Variants in TRMT10B observed in about 807,000 individuals in gnomAD.
TRMT10B encodes the protein tRNA methyltransferase 10B, also known as tRNA methyltransferase 10 homolog B.
TRMT10B carries 33 observed loss-of-function variants against 43.8 expected under a neutral mutation model. The observed-to-expected ratio is 0.75, with a 90% CI of 0.57 to 1.01. The LOEUF is 1.01. TRMT10B is among the 50% of genes least tolerant of loss of function. The probability of loss-of-function intolerance (pLI) is 0.00; values close to 1 mark genes in which losing one functional copy is unlikely to be tolerated. For missense variants in TRMT10B, 362 were observed against 369.8 expected (o/e 0.98, Z 0.17); for synonymous variants, 137 against 130.6 (o/e 1.05, Z -0.34).
chr9:37,774,352 A>G (rs1449247880), intron 7 of TRMT10B, among the ~76,000 whole-genome samples: 1 of 152,232 alleles, frequency 6.6e-6, no homozygotes, highest in Admixed American at 6.5e-5. Flanking sequence ...TGAGCAGTGC[A>G]TGACTTACAG....
rs573624870 is a variant in TRMT10B, at chr9:37,777,936, C to T, written c.*229C>T. ...AGGAGAATCACTTGAACTCGGGAGGCGAAGGTTGCAGTGAGCCGAGATTTC... is the reference window on the plus strand; with the variant it reads ...AGGAGAATCACTTGAACTCGGGAGGTGAAGGTTGCAGTGAGCCGAGATTTC... On this transcript the variant is annotated 3_prime_UTR_variant, in exon 9 of 9. Coordinates refer to ENST00000297994, the MANE Select transcript of TRMT10B (RefSeq NM_144964.4). 4.3e-5 allele frequency: 16 copies of T among 372,014 alleles called. No homozygotes were observed. The highest frequency in any genetic ancestry group is 1.2e-4 in the East Asian group (2 of 16,580). 23.0% of individuals were successfully genotyped at this position (372,014 alleles called of 1,614,324 possible). A position where few individuals can be genotyped will look rare whatever the true frequency, so the allele number is the denominator to read the frequency against.
At chr9:37,770,585 A>G in intron 6 of TRMT10B, 87 bp from the exon 7 acceptor site, 1 of 1,214,244 alleles carries the variant, frequency 8.2e-7, no homozygotes, top group Non-Finnish European at 1.2e-6. Flanking sequence ...TTCTACTTTT[A>G]TTGTTAATAA....
At chr9:37,774,515 TTTA>T (rs1367098244) in intron 7 of TRMT10B, among the ~76,000 whole-genome samples, 1 of 152,212 alleles carries the variant, frequency 6.6e-6, no homozygotes, top group East Asian at 1.9e-4. Flanking sequence ...GGAGAGTCAT[TTTA>T]TTATGAATCA....
chr9:37,754,870 T>G (rs1825444897), intron 1 of TRMT10B, among the ~76,000 whole-genome samples: 1 of 152,224 alleles, frequency 6.6e-6, no homozygotes, highest in African/African-American at 2.4e-5. Flanking sequence ...CAATTAAGTT[T>G]CAACCTGAAT....
At chr9:37,763,515 C>A in intron 3 of TRMT10B, 114 bp from the exon 4 acceptor site, 1 of 821,830 alleles carries the variant, frequency 1.2e-6, no homozygotes, top group Non-Finnish European at 1.9e-6. Context: ...GAATACCTTA[C>A]ATCAGTATCA....
In TRMT10B at chr9:37,777,472, C is replaced by T. The variant is rs78437519; in HGVS notation, c.845-129C>T. Reference sequence around the variant, plus strand: ...CAGAGCCTGTGTCCTTGCCTCTCCCCGCAAGACCTTAGTACCACATATGGT... The same window carrying T: ...CAGAGCCTGTGTCCTTGCCTCTCCCTGCAAGACCTTAGTACCACATATGGT... On this transcript the variant is annotated intron_variant, in intron 8 of 8. Coordinates refer to ENST00000297994, the MANE Select transcript of TRMT10B (RefSeq NM_144964.4). 1,609 of 715,484 alleles carry T rather than the reference C, an allele frequency of 2.2e-3. 18 individuals are homozygous for T. In the African/African-American group the frequency reaches 0.026, roughly 12 times the overall value. The allele number at this position is 715,484 out of a possible 1,614,324, so 44.3% of individuals were successfully genotyped here.
In TRMT10B at chr9:37,773,844, A is replaced by C. The variant is rs144032482; in HGVS notation, c.721-2438A>C. On this transcript the variant is annotated intron_variant, in intron 7 of 8. Transcript: ENST00000297994. ...CGAGACTCTGTTTCATACACACACA[A>C]AGTCTGGAGGGCTGGAGGACTACTT... Among the ~76,000 whole-genome samples, 111 of 151,840 alleles carry C rather than the reference A, an allele frequency of 7.3e-4. 1 individual carries two copies. The highest frequency in any genetic ancestry group is 3.5e-3 in the Admixed American group (53 of 15,240).
At chr9:37,773,727 G>A (rs775279432) in intron 7 of TRMT10B, among the ~76,000 whole-genome samples, 25 of 151,932 alleles carry the variant, frequency 1.6e-4, no homozygotes, top group Non-Finnish European at 2.9e-4. Context: ...CCAGCTACTC[G>A]GGAGGCTGAG....
chr9:37,764,037 C>A (rs534324525), intron 4 of TRMT10B, among the ~76,000 whole-genome samples: 1 of 152,198 alleles, frequency 6.6e-6, no homozygotes, highest in East Asian at 1.9e-4. Flanking sequence ...CTGGATGGAA[C>A]CTTTCAGGTT....
chr9:37,762,093 C>T lies in TRMT10B; in HGVS notation c.162C>T (p.Ala54=), dbSNP rs763532722. Residue 54 remains alanine, a synonymous_variant, in exon 2 of 9, where the codon GCC becomes GCT. Coordinates refer to ENST00000297994, the MANE Select transcript of TRMT10B (RefSeq NM_144964.4). ...AGTGCCAGGAGGGAGAGATCCTGGCCACAGGCAGTACGGCATGGTGCTCGG... is the reference window on the plus strand; with the variant it reads ...AGTGCCAGGAGGGAGAGATCCTGGCTACAGGCAGTACGGCATGGTGCTCGG... The part of the protein sequence containing the change: ...EGECQEGEIL[A]TGSTAWCSKN... 2 of 1,613,784 alleles carry T rather than the reference C, an allele frequency of 1.2e-6. No individual in the cohort carries two copies. Among genetic ancestry groups the T allele is most frequent in the African/African-American group, 2.7e-5 (2 of 74,910 alleles).
chr9:37,764,622 C>T (rs905967982), intron 4 of TRMT10B, among the ~76,000 whole-genome samples: 18 of 151,982 alleles, frequency 1.2e-4, no homozygotes, highest in South Asian at 4.2e-4. Flanking sequence ...CGGGATTTTG[C>T]GATGTTGGCC....
intron 1 of TRMT10B, among the ~76,000 whole-genome samples, chr9:37,754,906 C>T (rs1424396433): frequency 6.6e-6 from 1 of 152,132 alleles, no homozygotes; most frequent in Non-Finnish European, 1.5e-5. Flanking sequence ...ACATTCAAAC[C>T]AGAGCAGCAC....
intron 5 of TRMT10B, chr9:37,769,565 C>T (rs147974753): frequency 3.9e-4 from 81 of 209,432 alleles, no homozygotes; most frequent in African/African-American, 1.7e-3. Context: ...AACCTAGAGC[C>T]ATGCCTGATA....
At chr9:37,760,708 A>AG (rs1826233196) in intron 1 of TRMT10B, among the ~76,000 whole-genome samples, 1 of 152,178 alleles carries the variant, frequency 6.6e-6, no homozygotes, top group South Asian at 2.1e-4. Flanking sequence ...AAGGGATAGG[A>AG]GTGTGGATTG....
At chr9:37,776,449 G>C in intron 8 of TRMT10B, 44 bp downstream of exon 8, 1 of 1,582,496 alleles carries the variant, frequency 6.3e-7, no homozygotes, top group Non-Finnish European at 8.6e-7. Context: ...GAGTTCTGGT[G>C]CTGCTGCTTT....
At chr9:37,753,919 C>T (rs981014385) in intron 1 of TRMT10B, 67 bp downstream of exon 1, 7 of 152,386 alleles carry the variant, frequency 4.6e-5, no homozygotes, top group African/African-American at 1.7e-4. Flanking sequence ...CGTCCGCCTC[C>T]CTCGCGGGTG....
At chr9:37,763,803 A>G (rs766745176) in intron 4 of TRMT10B, 50 bp downstream of exon 4, 62 of 1,612,190 alleles carry the variant, frequency 3.8e-5, no homozygotes, top group Non-Finnish European at 4.8e-5. Flanking sequence ...AGGGAGGCCC[A>G]GAAGGGTACA....
intron 1 of TRMT10B, among the ~76,000 whole-genome samples, chr9:37,755,050 C>T (rs187476845): frequency 4.6e-5 from 7 of 151,950 alleles, no homozygotes; most frequent in African/African-American, 1.5e-4. Flanking sequence ...ACAGGTGGGT[C>T]GCGAGGTCAG....
chr9:37,752,929 C>G (rs374185868), upstream of TRMT10B, among the ~76,000 whole-genome samples: 3 of 152,198 alleles, frequency 2.0e-5, no homozygotes, highest in African/African-American at 7.2e-5. Context: ...CCTTTCTGGA[C>G]TGTGGGTGCT....
Sources: allele counts gnomAD v4.1 joint callset (sites outside exome capture counted in the v4.1 genomes callset), GRCh38; gene constraint gnomAD v4.1.1; transcripts MANE v1.5; gene names NCBI Gene and HGNC (gene_info 2026-07-23, HGNC 2026-07-21).